Variants in IFT56 observed in about 807,000 individuals in gnomAD.
IFT56 encodes the protein intraflagellar transport 56, also known as intraflagellar transport protein 56.
chr7:139,138,086 C>T, the IFT56 span: 1 of 510,256 alleles, frequency 2.0e-6, no homozygotes, highest in Non-Finnish European at 3.4e-6. Context: ...TTCAATTATA[C>T]TTGTTAATGA....
chr7:139,186,592 A>T, the IFT56 span, among the ~76,000 whole-genome samples: 7 of 152,290 alleles, frequency 4.6e-5, no homozygotes, highest in Non-Finnish European at 7.4e-5. Context: ...TGTTTAGAAT[A>T]GTAGTCAGTA....
the IFT56 span, among the ~76,000 whole-genome samples, chr7:139,176,357 A>G: frequency 6.6e-6 from 1 of 152,146 alleles, no homozygotes; most frequent in Non-Finnish European, 1.5e-5. Flanking sequence ...ACCCACAAAA[A>G]TTAAAAAAAA....
chr7:139,140,521 T>C, the IFT56 span, among the ~76,000 whole-genome samples: 1 of 152,160 alleles, frequency 6.6e-6, no homozygotes, highest in Admixed American at 6.5e-5. Flanking sequence ...GGCTCACGCC[T>C]GTAATCCCAG....
At chr7:139,148,482 T>A in the IFT56 span, 2 of 1,071,998 alleles carry the variant, frequency 1.9e-6, no homozygotes, top group East Asian at 2.4e-5. Flanking sequence ...TTGATTAATA[T>A]CCCTTTATCA....
chr7:139,137,989 A>T, the IFT56 span: 1 of 1,097,228 alleles, frequency 9.1e-7, no homozygotes, highest in Non-Finnish European at 1.4e-6. Context: ...TTAAAATGTT[A>T]TTAAACTTTA....
the IFT56 span, among the ~76,000 whole-genome samples, chr7:139,171,499 G>A: frequency 1.3e-5 from 2 of 152,062 alleles, no homozygotes; most frequent in African/African-American, 4.8e-5. Flanking sequence ...CAGACATATA[G>A]ACCAATGGAG....
At chr7:139,160,586 C>T in the IFT56 span, among the ~76,000 whole-genome samples, 5 of 152,100 alleles carry the variant, frequency 3.3e-5, no homozygotes, top group Non-Finnish European at 5.9e-5. Flanking sequence ...CGCGCTACCA[C>T]GCCCAGCTAA....
At chr7:139,166,795 G>C in the IFT56 span, 1 of 1,166,626 alleles carries the variant, frequency 8.6e-7, no homozygotes. Flanking sequence ...CTTCAGGAGG[G>C]TTTTCTGGAA....
At chr7:139,160,433 C>CT in the IFT56 span, among the ~76,000 whole-genome samples, 1,161 of 138,434 alleles carry the variant, frequency 8.4e-3, 20 homozygotes, top group East Asian at 0.072. Context: ...AGTCACTTAA[C>CT]TTTTTTTTTT....
At chr7:139,157,443 G>A in the IFT56 span, among the ~76,000 whole-genome samples, 3 of 150,604 alleles carry the variant, frequency 2.0e-5, no homozygotes, top group Non-Finnish European at 4.4e-5. Context: ...CACCGTGCCC[G>A]GCCAGACCTT....
At chr7:139,171,102 C>T in the IFT56 span, among the ~76,000 whole-genome samples, 1 of 151,878 alleles carries the variant, frequency 6.6e-6, no homozygotes, top group East Asian at 1.9e-4. Context: ...ATAATAGCTA[C>T]CAATAAAATT....
the IFT56 span, chr7:139,148,374 T>G: frequency 2.5e-6 from 4 of 1,607,030 alleles, no homozygotes; most frequent in Non-Finnish European, 3.4e-6. Context: ...GCAGAGCAGC[T>G]GAGGTATTGA....
the IFT56 span, among the ~76,000 whole-genome samples, chr7:139,167,849 G>A: frequency 6.6e-6 from 1 of 151,694 alleles, no homozygotes; most frequent in African/African-American, 2.4e-5. Context: ...GCTGAGGTAG[G>A]AGAATTGCTA....
At chr7:139,182,417 T>C in the IFT56 span, among the ~76,000 whole-genome samples, 15 of 152,112 alleles carry the variant, frequency 9.9e-5, no homozygotes, top group Non-Finnish European at 2.1e-4. Flanking sequence ...TGCTCTTAAA[T>C]AAGTTAGGGG....
the IFT56 span, among the ~76,000 whole-genome samples, chr7:139,141,256 GAAA>G: frequency 8.6e-5 from 11 of 127,872 alleles, no homozygotes; most frequent in Admixed American, 3.1e-4. Flanking sequence ...ACAAGACTCT[GAAA>G]AAAAAAAAAA....
chr7:139,168,582 C>CAAA, the IFT56 span: 1 of 372,114 alleles, frequency 2.7e-6, no homozygotes, highest in South Asian at 3.8e-5. Context: ...AAAAAAAAAA[C>CAAA]AAAAAAAAAA....
chr7:139,140,115 A>G, the IFT56 span: 1 of 662,714 alleles, frequency 1.5e-6, no homozygotes, highest in South Asian at 2.3e-5. Flanking sequence ...AATTGATATT[A>G]GAAAGCTAAA....
At chr7:139,143,414 A>G in the IFT56 span, among the ~76,000 whole-genome samples, 1 of 152,006 alleles carries the variant, frequency 6.6e-6, no homozygotes, top group South Asian at 2.1e-4. Context: ...ATGTCTTCCT[A>G]GTAGACTGAA....
the IFT56 span, among the ~76,000 whole-genome samples, chr7:139,162,950 C>T: frequency 1.3e-5 from 2 of 148,316 alleles, no homozygotes; most frequent in Non-Finnish European, 3.0e-5. Flanking sequence ...CAGAGGGAGA[C>T]TCCATCTCAA....
Sources: gnomAD v4.1 joint callset for allele counts (sites outside exome capture counted in the v4.1 genomes callset) on GRCh38, gnomAD v4.1.1 for gene constraint, MANE v1.5 for transcripts, NCBI Gene and HGNC (gene_info 2026-07-23, HGNC 2026-07-21) for gene names.